EIF4E3: variants seen among roughly 807,000 people sequenced by gnomAD.
EIF4E3 encodes the protein eukaryotic translation initiation factor 4E type 3.
In EIF4E3, 26 loss-of-function variants were observed where a neutral mutation model predicts 31.7. That is an observed-to-expected ratio of 0.82 (90% CI 0.60 to 1.14). EIF4E3 has a LOEUF of 1.14. Ranked by LOEUF, EIF4E3 falls within the 50% of genes most tolerant of loss-of-function variation. The probability of loss-of-function intolerance (pLI) is 0.00; values close to 1 mark genes in which losing one functional copy is unlikely to be tolerated. For missense variants in EIF4E3, 304 were observed against 270.9 expected, an observed-to-expected ratio of 1.12 and a Z score of -0.86; for synonymous variants, 128 against 107.7, an observed-to-expected ratio of 1.19 and a Z score of -1.17.
chr3:71,684,578 T>A lies in EIF4E3; in HGVS notation c.*104A>T. ...TGCAAGGACAGAAACCCACTCTAAA[T>A]TGACCAGCATCGGCTTCGGCAAGTC... On this transcript the variant is annotated 3_prime_UTR_variant, in exon 7 of 7. Transcript: ENST00000425534. 2.9e-6 allele frequency: 4 copies of A among 1,394,160 alleles called. No homozygotes were observed. Among genetic ancestry groups the A allele is most frequent in the African/African-American group, 1.4e-5 (1 of 69,654 alleles). 86.4% of individuals were successfully genotyped at this position (1,394,160 alleles called of 1,614,324 possible).
rs1193855494 is a variant in EIF4E3, at chr3:71,677,798, A to C, written c.*6884T>G. 4 of 152,210 alleles carry C rather than the reference A, an allele frequency of 2.6e-5. No individual in the cohort carries two copies. The highest frequency in any genetic ancestry group is 7.2e-5 in the African/African-American group (3 of 41,454). The allele number at this position is 152,210 out of a possible 1,614,324, so 9.4% of individuals were successfully genotyped here. On this transcript the variant is annotated 3_prime_UTR_variant, in exon 7 of 7. Transcript: ENST00000425534. ...AAAGGAATATATTAGACAGCCAGAA[A>C]GGAGGAGTAAATTCACTTTACTTGC...
intron 1 of EIF4E3, among the ~76,000 whole-genome samples, chr3:71,738,935 A>T (rs1178811367): frequency 6.8e-6 from 1 of 146,922 alleles, no homozygotes; most frequent in Non-Finnish European, 1.5e-5. Flanking sequence ...AATCAATACC[A>T]GAAAAAGAAC....
At chr3:71,704,846 C>G (rs570048388) in intron 2 of EIF4E3, among the ~76,000 whole-genome samples, 1 of 152,296 alleles carries the variant, frequency 6.6e-6, no homozygotes. Flanking sequence ...TCTCACCCCA[C>G]CCAATACACA....
chr3:71,739,335 G>A (rs1377082292), intron 1 of EIF4E3, among the ~76,000 whole-genome samples: 1 of 151,934 alleles, frequency 6.6e-6, no homozygotes, highest in Non-Finnish European at 1.5e-5. Flanking sequence ...AACAAAAAGA[G>A]AGAAATAGAG....
chr3:71,731,144 G>A (rs1339578803), intron 1 of EIF4E3, among the ~76,000 whole-genome samples: 2 of 151,998 alleles, frequency 1.3e-5, no homozygotes, highest in Non-Finnish European at 1.5e-5. Flanking sequence ...TCTAACACCC[G>A]ACCCTCTCAT....
intron 1 of EIF4E3, among the ~76,000 whole-genome samples, chr3:71,711,151 A>G (rs1176139415): frequency 6.6e-6 from 1 of 152,222 alleles, no homozygotes; most frequent in Non-Finnish European, 1.5e-5. Context: ...CACCAGAAAC[A>G]CTGCAATTTA....
Position 71,677,720 on chromosome 3 carries a change from A to C in EIF4E3, c.*6962T>G, listed in dbSNP as rs1304661585. The C allele has an allele frequency of 2.6e-5, 4 of 152,198 alleles. No individual in the cohort carries two copies. The highest frequency in any genetic ancestry group is 9.7e-5 in the African/African-American group (4 of 41,446). The allele number at this position is 152,198 out of a possible 1,614,324, so 9.4% of individuals were successfully genotyped here. A position where few individuals can be genotyped will look rare whatever the true frequency, so the allele number is the denominator to read the frequency against. On this transcript the variant is annotated 3_prime_UTR_variant, in exon 7 of 7. Coordinates refer to ENST00000425534, the MANE Select transcript of EIF4E3 (RefSeq NM_001134651.2). ...GCTTGTTTCTGCAGGGAGAGATAGGAAAGTCTGCAGATGAATGGAAGAAGA... is the reference window on the plus strand; with the variant it reads ...GCTTGTTTCTGCAGGGAGAGATAGGCAAGTCTGCAGATGAATGGAAGAAGA...
At chr3:71,744,736 C>T (rs1392947625) in intron 1 of EIF4E3, among the ~76,000 whole-genome samples, 3 of 152,204 alleles carry the variant, frequency 2.0e-5, no homozygotes, top group African/African-American at 7.2e-5. Context: ...CAGAGCGAGA[C>T]TCCGTCTCAA....
At chr3:71,754,008 G>A, upstream of EIF4E3, 1 of 1,089,082 alleles carries the variant, frequency 9.2e-7, no homozygotes, top group Non-Finnish European at 1.1e-6. This position sits in a 1 kb window ranked among gnomAD's most constrained non-coding sequence, Gnocchi z 5.8. Context: ...GGCGAGGCAG[G>A]GGACGGCCCC....
chr3:71,737,921 T>A (rs1219995481), intron 1 of EIF4E3, among the ~76,000 whole-genome samples: 1 of 152,166 alleles, frequency 6.6e-6, no homozygotes, highest in Non-Finnish European at 1.5e-5. Context: ...GTGAAATATC[T>A]ATTCAAAAAT....
At chr3:71,700,226 T>C (rs941021109) in intron 2 of EIF4E3, among the ~76,000 whole-genome samples, 10 of 152,132 alleles carry the variant, frequency 6.6e-5, no homozygotes, top group Non-Finnish European at 1.2e-4. Context: ...TGTTCCTTGC[T>C]GATGCTGTGC....
upstream of EIF4E3, chr3:71,754,195 T>A: frequency 7.0e-7 from 1 of 1,418,786 alleles, no homozygotes; most frequent in Non-Finnish European, 9.3e-7. The surrounding 1 kb of genome is among the most constrained non-coding windows in gnomAD (Gnocchi z 5.8). Flanking sequence ...GAGCGCAGCC[T>A]GCACCGCGCC....
At chr3:71,698,600 T>C (rs544530335) in intron 3 of EIF4E3, among the ~76,000 whole-genome samples, 161 of 152,318 alleles carry the variant, frequency 1.1e-3, no homozygotes, top group African/African-American at 3.7e-3. Context: ...CAGGCTAGCC[T>C]ATGAGAGCAC....
intron 2 of EIF4E3, among the ~76,000 whole-genome samples, chr3:71,702,089 G>A (rs1016091084): frequency 6.6e-6 from 1 of 152,110 alleles, no homozygotes; most frequent in African/African-American, 2.4e-5. Flanking sequence ...TATTTTCTTC[G>A]AAGATACTAC....
Position 71,680,025 on chromosome 3 carries a change from G to A in EIF4E3, c.*4657C>T, listed in dbSNP as rs2107994680. 1 of 152,188 alleles carries A rather than the reference G, an allele frequency of 6.6e-6. No individual in the cohort carries two copies. The highest frequency in any genetic ancestry group is 1.9e-4 in the East Asian group (1 of 5,182). The allele number at this position is 152,188 out of a possible 1,614,324, so 9.4% of individuals were successfully genotyped here. A position where few individuals can be genotyped will look rare whatever the true frequency, so the allele number is the denominator to read the frequency against. On this transcript the variant is annotated 3_prime_UTR_variant, in exon 7 of 7. Coordinates refer to ENST00000425534, the MANE Select transcript of EIF4E3 (RefSeq NM_001134651.2). The stretch of plus-strand genomic sequence containing the variant: ...GAAAAACCACCACTCTGTATTAAAG[G>A]CTTTATATTATGGACTTCCAGGGAT...
At position 71,684,524 on chromosome 3, in the gene EIF4E3, C is replaced by T. The variant is rs2048964492; in HGVS notation, c.*158G>A. 3 of 630,400 alleles carry T rather than the reference C, an allele frequency of 4.8e-6. No homozygotes were observed. The highest frequency in any genetic ancestry group is 3.1e-5 in the Admixed American group (1 of 32,778). The allele number at this position is 630,400 out of a possible 1,614,324, so 39.1% of individuals were successfully genotyped here. On this transcript the variant is annotated 3_prime_UTR_variant, in exon 7 of 7. Transcript: ENST00000425534. Reference sequence around the variant, plus strand: ...ACCCACACAATCTCCCCCCACCCCACCTGCCACTTTGAGTCCTAATTGCCC... The same window carrying T: ...ACCCACACAATCTCCCCCCACCCCATCTGCCACTTTGAGTCCTAATTGCCC...
the EIF4E3 span, among the ~76,000 whole-genome samples, chr3:71,661,714 C>T: frequency 6.6e-6 from 1 of 152,194 alleles, no homozygotes; most frequent in Admixed American, 6.5e-5. Flanking sequence ...GCATGATAGA[C>T]ATCCTGATTC....
At chr3:71,660,720 G>A in the EIF4E3 span, among the ~76,000 whole-genome samples, 7 of 152,154 alleles carry the variant, frequency 4.6e-5, no homozygotes, top group Admixed American at 4.6e-4. Context: ...TTGTAAATGG[G>A]CAGTAATTAA....
chr3:71,749,373 G>T (rs2049904259), intron 1 of EIF4E3, among the ~76,000 whole-genome samples: 1 of 152,220 alleles, frequency 6.6e-6, no homozygotes, highest in Admixed American at 6.5e-5. Flanking sequence ...CGTCCCATGG[G>T]GAGGTCAACT....
Sources: gnomAD v4.1 joint callset for allele counts (sites outside exome capture counted in the v4.1 genomes callset) on GRCh38, gnomAD v4.1.1 for gene constraint, Gnocchi (gnomAD v3.1) non-coding constraint, MANE v1.5 for transcripts, NCBI Gene and HGNC (gene_info 2026-07-23, HGNC 2026-07-21) for gene names.